Variants in ARHGAP32 observed in about 807,000 individuals in gnomAD.
ARHGAP32 encodes rho GTPase-activating protein 32.
A neutral mutation model predicts 186.5 loss-of-function variants in ARHGAP32; 51 were observed. That is an observed-to-expected ratio of 0.27 (90% CI 0.22 to 0.35). The LOEUF is 0.35. Among genes scored for constraint, ARHGAP32 ranks in the 10% least tolerant of loss-of-function variants. ARHGAP32 has a pLI of 1.00. For missense variants in ARHGAP32, 2,186 were observed against 2,623.5 expected (o/e 0.83, Z 3.64); for synonymous variants, 950 against 964.3 (o/e 0.99, Z 0.27).
chr11:129,064,558 AT>A (rs953742598), intron 8 of ARHGAP32, among the ~76,000 whole-genome samples: 4 of 152,156 alleles, frequency 2.6e-5, no homozygotes, highest in African/African-American at 7.2e-5. Flanking sequence ...AACTAAAAAA[AT>A]GTACACCTTG....
rs931668274 is a variant in ARHGAP32 at position 128,973,647 on chromosome 11, C to G, written c.3074-215G>C. 4 of 587,352 alleles carry G rather than the reference C, an allele frequency of 6.8e-6. No individual in the cohort carries two copies. The South Asian group carries it at 8.9e-5, about 13-fold the overall frequency. The allele number at this position is 587,352 out of a possible 1,614,324, so 36.4% of individuals were successfully genotyped here. ...ACAAACAGTGTATAAAGACTGCAAT[C>G]TCTTCTTGAATTGTTACAGAGATGG... On this transcript the variant is annotated intron_variant, in intron 21 of 22. Coordinates refer to ENST00000682385, the MANE Select transcript of ARHGAP32 (RefSeq NM_001378024.1).
intron 1 of ARHGAP32, among the ~76,000 whole-genome samples, chr11:129,275,858 G>T (rs1478126030): frequency 2.0e-5 from 3 of 152,248 alleles, no homozygotes; most frequent in Non-Finnish European, 4.4e-5. Context: ...GATATGGCCT[G>T]CAGGCTACAG....
At chr11:129,275,386 GA>G in intron 1 of ARHGAP32, among the ~76,000 whole-genome samples, 1 of 152,200 alleles carries the variant, frequency 6.6e-6, no homozygotes, top group South Asian at 2.1e-4. Flanking sequence ...GGTCACAAAG[GA>G]AATCTCTGAG....
intron 6 of ARHGAP32, among the ~76,000 whole-genome samples, chr11:129,071,127 ATGTATAC>A (rs1940854228): frequency 6.6e-6 from 1 of 152,046 alleles, no homozygotes; most frequent in African/African-American, 2.4e-5. Context: ...AATTCCTTGA[ATGTATAC>A]TGATGTTATT....
intron 1 of ARHGAP32, among the ~76,000 whole-genome samples, chr11:129,209,428 A>G (rs943661910): frequency 3.3e-5 from 5 of 151,934 alleles, no homozygotes; most frequent in East Asian, 1.9e-4. Flanking sequence ...TACAAAAAAA[A>G]AGTAAGATAT....
At chr11:129,251,627 G>T (rs1945184624) in intron 1 of ARHGAP32, among the ~76,000 whole-genome samples, 1 of 151,894 alleles carries the variant, frequency 6.6e-6, no homozygotes, top group South Asian at 2.1e-4. Flanking sequence ...AATACTGAAG[G>T]TTAAAAACAA....
intron 1 of ARHGAP32, among the ~76,000 whole-genome samples, chr11:129,180,826 G>C (rs1181353735): frequency 3.9e-5 from 6 of 152,048 alleles, no homozygotes; most frequent in East Asian, 1.9e-4. Flanking sequence ...ATGAAAAATA[G>C]GAGAGAAAAC....
chr11:129,147,692 T>G (rs2135443949), intron 2 of ARHGAP32, among the ~76,000 whole-genome samples: 1 of 152,344 alleles, frequency 6.6e-6, no homozygotes, highest in Admixed American at 6.5e-5. Flanking sequence ...GCATGCATTT[T>G]AGAATGGTTG....
At chr11:129,049,129 G>A (rs570507230) in intron 10 of ARHGAP32, among the ~76,000 whole-genome samples, 1 of 152,186 alleles carries the variant, frequency 6.6e-6, no homozygotes, top group East Asian at 1.9e-4. Flanking sequence ...GTTCTAAAAG[G>A]AAAAGCATTC....
chr11:129,017,481 T>G (rs1489986264), intron 11 of ARHGAP32, among the ~76,000 whole-genome samples: 1 of 151,536 alleles, frequency 6.6e-6, no homozygotes, highest in Non-Finnish European at 1.5e-5. Flanking sequence ...AAAAAAAAGT[T>G]TAAAATAATA....
chr11:129,031,196 T>G (rs1345474384), intron 11 of ARHGAP32, among the ~76,000 whole-genome samples: 1 of 152,218 alleles, frequency 6.6e-6, no homozygotes, highest in Non-Finnish European at 1.5e-5. Flanking sequence ...TAAATAAGTA[T>G]CTATATAAAT....
At chr11:129,157,050 G>A (rs763824644) in intron 2 of ARHGAP32, among the ~76,000 whole-genome samples, 2 of 152,126 alleles carry the variant, frequency 1.3e-5, no homozygotes, top group East Asian at 1.9e-4. Flanking sequence ...CAAAAAGGAC[G>A]TACACACATA....
At chr11:129,127,825 A>G (rs1304023778) in intron 2 of ARHGAP32, among the ~76,000 whole-genome samples, 2 of 152,178 alleles carry the variant, frequency 1.3e-5, no homozygotes, top group East Asian at 1.9e-4. Context: ...TTCTAAAATA[A>G]GAGTTTATAA....
intron 1 of ARHGAP32, among the ~76,000 whole-genome samples, chr11:129,227,455 A>G (rs1179697083): frequency 1.4e-5 from 2 of 138,586 alleles, no homozygotes; most frequent in Admixed American, 1.5e-4. Context: ...TATTCCAATT[A>G]AACATTACAT....
chr11:129,188,773 G>A (rs1944216285), intron 1 of ARHGAP32, among the ~76,000 whole-genome samples: 1 of 152,126 alleles, frequency 6.6e-6, no homozygotes. Flanking sequence ...AAAATGAATT[G>A]CCTTAATAAT....
At chr11:129,275,530 G>A (rs2135734160) in intron 1 of ARHGAP32, among the ~76,000 whole-genome samples, 1 of 152,258 alleles carries the variant, frequency 6.6e-6, no homozygotes, top group South Asian at 2.1e-4. Context: ...TAATGGCTAT[G>A]ATAGGAAATA....
At chr11:129,233,952 G>C (rs4332538) in intron 1 of ARHGAP32, among the ~76,000 whole-genome samples, 52,731 of 151,586 alleles carry the variant, frequency 0.35, 9,455 homozygotes, top group Non-Finnish European at 0.39. Flanking sequence ...TTACTTCTAG[G>C]TAAAAAGAAA....
intron 1 of ARHGAP32, among the ~76,000 whole-genome samples, chr11:129,165,021 TATAAG>T (rs1943604343): frequency 6.6e-6 from 1 of 152,114 alleles, no homozygotes; most frequent in Non-Finnish European, 1.5e-5. Flanking sequence ...CTTCTTTCTG[TATAAG>T]ATAACTTTTC....
At position 128,970,580 on chromosome 11, in the gene ARHGAP32, C is replaced by A. The variant is rs755031432; in HGVS notation, c.4633G>T (p.Gly1545Cys). 1 of 1,614,084 alleles carries A rather than the reference C, an allele frequency of 6.2e-7. No homozygotes were observed. The highest frequency in any genetic ancestry group is 8.5e-7 in the Non-Finnish European group (1 of 1,180,034). ...GARSEPPASM[G>C]LRYNTYVAPG... ...GCCACATATGTGTTATAACGAAGAC[C>A]CATGGAGGCTGGTGGCTCTGACCTG... The change falls in exon 23 of 23, where the codon GGT becomes TGT. Residue 1545 changes from glycine to cysteine, a missense_variant. Physicochemically the swap from Gly to Cys is radical, Grantham distance 159 (BLOSUM62 -3). This residue lies in a region of ARHGAP32 where 1,502 missense variants were observed against 1,570.0 expected (regional missense o/e 0.96). Coordinates refer to ENST00000682385, the MANE Select transcript of ARHGAP32 (RefSeq NM_001378024.1). This position sits in a 1 kb window ranked among gnomAD's most constrained non-coding sequence, Gnocchi z 5.8.
Sources: gnomAD v4.1 joint callset for allele counts (sites outside exome capture counted in the v4.1 genomes callset) on GRCh38, gnomAD v4.1.1 for gene constraint, gnomAD v4.1.1 regional missense constraint, Gnocchi (gnomAD v3.1) non-coding constraint, MANE v1.5 for transcripts, NCBI Gene and HGNC (gene_info 2026-07-23, HGNC 2026-07-21) for gene names.